Variants in MAGED1 observed in about 807,000 individuals in gnomAD.
The protein encoded by MAGED1 is melanoma-associated antigen D1.
MAGED1 carries 3 observed loss-of-function variants against 54.1 expected under a neutral mutation model. That is an observed-to-expected ratio of 0.06 (90% CI 0.03 to 0.14). MAGED1 has a LOEUF of 0.14. Among genes scored for constraint, MAGED1 ranks in the 10% least tolerant of loss-of-function variants. MAGED1 has a pLI of 1.00. For missense variants in MAGED1, 485 were observed against 623.4 expected, an observed-to-expected ratio of 0.78 and a Z score of 2.36; for synonymous variants, 217 against 227.3, an observed-to-expected ratio of 0.95 and a Z score of 0.41.
At chrX:51,900,443 T>C in intron 11 of MAGED1, 147 bp downstream of exon 11, 5 of 425,433 alleles carry the variant, frequency 1.2e-5, no homozygotes, top group South Asian at 3.7e-5. Context: ...TTAGGTAAAC[T>C]TAACATGTAT....
At chrX:51,807,520 T>C (rs982303035) in intron 1 of MAGED1, among the ~76,000 whole-genome samples, 4 of 111,732 alleles carry the variant, frequency 3.6e-5, no homozygotes, top group Admixed American at 1.9e-4. Context: ...CCCAAGGCCA[T>C]GAAGATAGTT....
At chrX:51,831,631 T>C (rs1457988611) in intron 1 of MAGED1, among the ~76,000 whole-genome samples, 1 of 111,396 alleles carries the variant, frequency 9.0e-6, no homozygotes, top group Non-Finnish European at 1.9e-5. Context: ...AATTAAATTA[T>C]AAATAAATAA....
At chrX:51,879,611 C>A (rs1927987907) in intron 1 of MAGED1, among the ~76,000 whole-genome samples, 1 of 111,177 alleles carries the variant, frequency 9.0e-6, no homozygotes, top group Non-Finnish European at 1.9e-5. Flanking sequence ...TGGTGTCTGT[C>A]ATTAATTTTG....
At chrX:51,877,565 TGG>T (rs1245943407) in intron 1 of MAGED1, among the ~76,000 whole-genome samples, 1 of 111,247 alleles carries the variant, frequency 9.0e-6, no homozygotes, top group East Asian at 2.8e-4. Context: ...AGAGGTTTGT[TGG>T]GGGAAAATCA....
intron 1 of MAGED1, chrX:51,857,411 G>T (rs144434661): frequency 1.3e-3 from 141 of 111,700 alleles, no homozygotes; most frequent in African/African-American, 4.5e-3. Context: ...AGAATTCATA[G>T]TGGAGAACAA....
At chrX:51,866,646 T>C (rs1927469185) in intron 1 of MAGED1, among the ~76,000 whole-genome samples, 1 of 112,245 alleles carries the variant, frequency 8.9e-6, no homozygotes, top group South Asian at 3.7e-4. Flanking sequence ...TAGATGTAAT[T>C]CTACATAACC....
chrX:51,856,076 A>G (rs1480803953), intron 1 of MAGED1, among the ~76,000 whole-genome samples: 1 of 112,185 alleles, frequency 8.9e-6, no homozygotes, highest in Admixed American at 9.4e-5. Flanking sequence ...AAGAATTCCC[A>G]CTTGTCGATA....
chrX:51,827,404 C>T (rs1245663178), intron 1 of MAGED1, among the ~76,000 whole-genome samples: 7 of 112,008 alleles, frequency 6.2e-5, no homozygotes, highest in African/African-American at 9.7e-5. Context: ...GATGAATAGA[C>T]GGAGCACATG....
At position 51,817,297 on chromosome X, in the gene MAGED1, C is replaced by T. The variant is rs373309926; in HGVS notation, c.-37+14180C>T. On this transcript the variant is annotated intron_variant, in intron 1 of 12. Transcript: ENST00000375772. ...GGTGAAAGGGTGATTATCCCCATGT[C>T]TTCTCCATTAACAACCCAATTTGGC... 1.1e-3 allele frequency among the ~76,000 whole-genome samples: 121 copies of T among 111,821 alleles called. 1 individual carries two copies. The highest frequency in any genetic ancestry group is 3.8e-3 in the African/African-American group (118 of 30,746).
chrX:51,803,661 T>A lies in MAGED1; in HGVS notation c.-37+544T>A, dbSNP rs370583595. 1.9e-4 allele frequency among the ~76,000 whole-genome samples: 19 copies of A among 98,110 alleles called. 1 individual carries two copies. Among genetic ancestry groups the A allele is most frequent in the African/African-American group, 6.4e-4 (17 of 26,554 alleles). The allele number at this position is 98,110 out of a possible 115,157, so 85.2% of individuals were successfully genotyped here. The stretch of plus-strand genomic sequence containing the variant: ...TTTTTTTTTTTTGGTTCTTTTAAAG[T>A]ATAAGCAAAGAAGCAGAAACCTTAG... On this transcript the variant is annotated intron_variant, in intron 1 of 12. Coordinates refer to the MAGED1 transcript ENST00000375772.
At position 51,860,750 on chromosome X, in the gene MAGED1, G is replaced by GA. The variant is rs1314255178; in HGVS notation, c.-36-33509dup. On this transcript the variant is annotated intron_variant, in intron 1 of 12. Coordinates refer to the MAGED1 transcript ENST00000375772. Reference sequence around the variant, plus strand: ...CCCGGGAGAGGGTGGTGTGGAGTGAGAAAAAAAAAAGACCCAAGGCAGAAT... The same window carrying GA: ...CCCGGGAGAGGGTGGTGTGGAGTGAGAAAAAAAAAAAGACCCAAGGCAGAAT... Among the ~76,000 whole-genome samples, 385 of 104,703 alleles carry GA rather than the reference G, an allele frequency of 3.7e-3. 2 individuals are homozygous for GA. Among genetic ancestry groups the GA allele is most frequent in the African/African-American group, 0.012 (355 of 28,894 alleles). The allele number at this position is 104,703 out of a possible 115,157, so 90.9% of individuals were successfully genotyped here. A position where few individuals can be genotyped will look rare whatever the true frequency, so the allele number is the denominator to read the frequency against.
Position 51,895,464 on chromosome X carries a change from A to C in MAGED1, c.457A>C (p.Thr153Pro), listed in dbSNP as rs781855948. 6 of 1,207,379 alleles carry C rather than the reference A, an allele frequency of 5.0e-6. No individual in the cohort carries two copies. The South Asian group carries it at 1.1e-4, about 22-fold the overall frequency. ...GGCCTTCAAGGCCCAGAATGCCACTACTAAAGTGGGCCCAAATGCCACCTA... is the reference window on the plus strand; with the variant it reads ...GGCCTTCAAGGCCCAGAATGCCACTCCTAAAGTGGGCCCAAATGCCACCTA... ...EMAFKAQNAT[T>P]KVGPNATYNF... The change falls in exon 3 of 13, where the codon ACT (threonine) becomes CCT (proline). Residue 153 changes from threonine (T) to proline (P), a missense_variant. Physicochemically the swap from Thr to Pro is conservative, Grantham distance 38. This residue lies in a region of MAGED1 where 299 missense variants were observed against 293.1 expected (regional missense o/e 1.02). Transcript: ENST00000326587.
At chrX:51,888,224 A>G (rs781844568) in intron 1 of MAGED1, among the ~76,000 whole-genome samples, 2 of 111,785 alleles carry the variant, frequency 1.8e-5, no homozygotes, top group African/African-American at 6.5e-5. Context: ...CTTATTTTAC[A>G]TTGCATTCCT....
intron 1 of MAGED1, among the ~76,000 whole-genome samples, chrX:51,885,329 T>C (rs1040335633): frequency 8.9e-6 from 1 of 112,170 alleles, no homozygotes; most frequent in Non-Finnish European, 1.9e-5. Flanking sequence ...CTAGTGATGG[T>C]GAGCATTTTA....
intron 1 of MAGED1, among the ~76,000 whole-genome samples, chrX:51,847,593 C>T (rs1218102723): frequency 7.3e-5 from 8 of 110,213 alleles, no homozygotes; most frequent in African/African-American, 2.6e-4. Flanking sequence ...CTGCCAGCAG[C>T]AGGCTCCCAT....
At chrX:51,898,380 G>A in intron 9 of MAGED1, 53 bp downstream of exon 9, 1 of 1,176,173 alleles carries the variant, frequency 8.5e-7, no homozygotes, top group Non-Finnish European at 1.2e-6. Context: ...TTTGGCAACA[G>A]TGGATGGTCC....
At chrX:51,831,736 T>C (rs1926077212) in intron 1 of MAGED1, among the ~76,000 whole-genome samples, 1 of 111,998 alleles carries the variant, frequency 8.9e-6, no homozygotes, top group South Asian at 3.7e-4. Context: ...TATGAATCTT[T>C]AAATTTTCCA....
chrX:51,882,075 G>A (rs1406254232), intron 1 of MAGED1, among the ~76,000 whole-genome samples: 2 of 111,807 alleles, frequency 1.8e-5, no homozygotes, highest in African/African-American at 3.2e-5. Flanking sequence ...AAGTAAAATA[G>A]GGAGAAAAAG....
At chrX:51,881,935 A>G (rs371829440) in intron 1 of MAGED1, among the ~76,000 whole-genome samples, 1 of 110,371 alleles carries the variant, frequency 9.1e-6, no homozygotes, top group Admixed American at 9.7e-5. Context: ...TCATGCTCCC[A>G]TCTAACAAGA....
Sources: gnomAD v4.1 joint callset for allele counts (sites outside exome capture counted in the v4.1 genomes callset) on GRCh38, gnomAD v4.1.1 for gene constraint, gnomAD v4.1.1 regional missense constraint, MANE v1.5 for transcripts, NCBI Gene and HGNC (gene_info 2026-07-23, HGNC 2026-07-21) for gene names.